Variants in GAB2 observed in about 807,000 individuals in gnomAD.
GAB2 encodes GRB2-associated-binding protein 2.
In GAB2, 26 loss-of-function variants were observed where a neutral mutation model predicts 65.5. That is an observed-to-expected ratio of 0.40 (90% CI 0.29 to 0.55). The LOEUF is 0.55. Ranked by LOEUF, GAB2 falls within the 20% of genes least tolerant of loss-of-function variation. GAB2 has a pLI of 0.53. For synonymous variants in GAB2, 321 were observed against 329.6 expected, an observed-to-expected ratio of 0.97 and a Z score of 0.28; for missense variants, 884 against 875.8, an observed-to-expected ratio of 1.01 and a Z score of -0.12.
chr11:78,405,091 A>ATTTTTTTTT (rs1174366754), intron 1 of GAB2, among the ~76,000 whole-genome samples: 2 of 93,280 alleles, frequency 2.1e-5, no homozygotes, highest in Non-Finnish European at 3.8e-5. Flanking sequence ...AAAAACATGG[A>ATTTTTTTTT]TTTTTTTTTT....
chr11:78,224,455 C>A (rs972703425), intron 5 of GAB2, among the ~76,000 whole-genome samples: 2 of 152,226 alleles, frequency 1.3e-5, no homozygotes, highest in African/African-American at 4.8e-5. Flanking sequence ...CTGGGGCTCA[C>A]TCCAGGCACC....
At chr11:78,271,806 G>T (rs900797255) in intron 2 of GAB2, among the ~76,000 whole-genome samples, 11 of 152,230 alleles carry the variant, frequency 7.2e-5, no homozygotes, top group Admixed American at 3.9e-4. Context: ...AAGCCTGGGT[G>T]ATATGGTTTG....
At chr11:78,334,651 T>C (rs1855969543) in intron 1 of GAB2, among the ~76,000 whole-genome samples, 1 of 152,258 alleles carries the variant, frequency 6.6e-6, no homozygotes, top group Admixed American at 6.5e-5. Flanking sequence ...CCCATTCAAC[T>C]GCTGATAGAC....
At chr11:78,318,468 T>C (rs1855660142) in intron 1 of GAB2, among the ~76,000 whole-genome samples, 1 of 149,182 alleles carries the variant, frequency 6.7e-6, no homozygotes, top group Non-Finnish European at 1.5e-5. Context: ...TAGGATCCAG[T>C]GTGCATAGTA....
chr11:78,238,206 CAAAAAAAAA>C lies in GAB2; in HGVS notation c.621-11164_621-11156del, dbSNP rs10541492. Among the ~76,000 whole-genome samples the C allele has an allele frequency of 8.6e-5, 9 of 104,798 alleles. No homozygotes were observed. The East Asian group carries it at 1.0e-3, about 12-fold the overall frequency. The allele number at this position is 104,798 out of a possible 152,430, so 68.8% of individuals were successfully genotyped here. A position where few individuals can be genotyped will look rare whatever the true frequency, so the allele number is the denominator to read the frequency against. On this transcript the variant is annotated intron_variant, in intron 3 of 9. Transcript: ENST00000361507. ...TTAAAATAAAAGTTGAGGGAAGAAA[CAAAAAAAAA>C]AAAAAAAAAAAGAAAATGTGGCAGA... is the stretch of plus-strand genomic sequence containing the variant.
chr11:78,347,442 A>G (rs1028341380), intron 1 of GAB2, among the ~76,000 whole-genome samples: 2 of 152,216 alleles, frequency 1.3e-5, no homozygotes, highest in African/African-American at 4.8e-5. Context: ...TTGGGCAATC[A>G]TGGACTTGAG....
intron 2 of GAB2, among the ~76,000 whole-genome samples, chr11:78,270,453 A>G (rs1823828057): frequency 6.6e-6 from 1 of 152,114 alleles, no homozygotes; most frequent in Non-Finnish European, 1.5e-5. Flanking sequence ...CTCTGTGACA[A>G]TGGGTTGGGA....
intron 3 of GAB2, among the ~76,000 whole-genome samples, chr11:78,242,058 A>G (rs760681432): frequency 7.9e-5 from 12 of 152,250 alleles, no homozygotes; most frequent in Non-Finnish European, 1.3e-4. Flanking sequence ...AGAGATTTTA[A>G]AAGAATTGAT....
At chr11:78,378,104 G>GC (rs946962920) in intron 1 of GAB2, among the ~76,000 whole-genome samples, 2 of 152,150 alleles carry the variant, frequency 1.3e-5, no homozygotes, top group Non-Finnish European at 2.9e-5. Context: ...TAGAATTATG[G>GC]CCCCAACTGT....
Position 78,219,318 on chromosome 11 carries a change from G to A in GAB2, c.1985C>T (p.Thr662Ile), listed in dbSNP as rs770369313. ...AGGCTCTGAGGACTGCCGCACGTCT[G>A]TCCACTCCTGCATGGTGTTCTGCAG... ...QALQNTMQEW[T>I]DVRQSSEPSK... is the part of the protein sequence containing the mutation. Residue 662 changes from threonine (T) to isoleucine (I), a missense_variant, in exon 10 of 10, where the codon ACA (threonine) becomes ATA (isoleucine). Physicochemically the swap from Thr to Ile is moderately conservative, Grantham distance 89 (BLOSUM62 -1). Transcript: ENST00000361507. 5.6e-6 allele frequency: 9 copies of A among 1,613,842 alleles called. No individual in the cohort carries two copies. Among genetic ancestry groups the A allele is most frequent in the Admixed American group, 3.3e-5 (2 of 60,010 alleles).
intron 1 of GAB2, chr11:78,324,662 T>C (rs1046294420): frequency 2.0e-5 from 3 of 152,192 alleles, no homozygotes; most frequent in Non-Finnish European, 2.9e-5. Flanking sequence ...AGTGTCTCAT[T>C]ATTCACTATA....
chr11:78,402,170 A>G (rs1293651249), intron 1 of GAB2, among the ~76,000 whole-genome samples: 1 of 152,132 alleles, frequency 6.6e-6, no homozygotes, highest in Non-Finnish European at 1.5e-5. Context: ...AACTGTTTTT[A>G]GTGTCCTTGC....
chr11:78,289,948 A>G (rs1362844490), intron 1 of GAB2, among the ~76,000 whole-genome samples: 1 of 151,574 alleles, frequency 6.6e-6, no homozygotes, highest in Non-Finnish European at 1.5e-5. Context: ...GAGGGAGGAA[A>G]GGAAGAGTTT....
chr11:78,349,367 T>C (rs571412745), intron 1 of GAB2, among the ~76,000 whole-genome samples: 106 of 152,300 alleles, frequency 7.0e-4, no homozygotes, highest in African/African-American at 2.3e-3. Flanking sequence ...TGGTACTAAG[T>C]TACAAATCAT....
At chr11:78,267,011 A>C (rs1865890263) in intron 2 of GAB2, among the ~76,000 whole-genome samples, 1 of 152,216 alleles carries the variant, frequency 6.6e-6, no homozygotes, top group Non-Finnish European at 1.5e-5. Flanking sequence ...CAGAGAGACC[A>C]CATGCAACCC....
chr11:78,234,322 A>G (rs1864930667), intron 3 of GAB2, among the ~76,000 whole-genome samples: 2 of 152,094 alleles, frequency 1.3e-5, no homozygotes, highest in Non-Finnish European at 2.9e-5. Flanking sequence ...AGCTCAAGCA[A>G]TCTGCCCTTC....
At chr11:78,295,998 G>C (rs957835030) in intron 1 of GAB2, among the ~76,000 whole-genome samples, 1 of 152,314 alleles carries the variant, frequency 6.6e-6, no homozygotes, top group African/African-American at 2.4e-5. Context: ...GAAAGGGGTA[G>C]GGACGGTTTT....
intron 3 of GAB2, chr11:78,231,987 CTG>C (rs1412881289): frequency 6.6e-6 from 1 of 152,232 alleles, no homozygotes; most frequent in Non-Finnish European, 1.5e-5. Context: ...GAAGAAAACT[CTG>C]TGTCACAAAT....
intron 1 of GAB2, among the ~76,000 whole-genome samples, chr11:78,341,168 A>T (rs1001679896): frequency 6.6e-6 from 1 of 152,196 alleles, no homozygotes; most frequent in Non-Finnish European, 1.5e-5. Context: ...ATGGTTTCAC[A>T]TCTCTCATCC....
Sources: gnomAD v4.1 joint callset for allele counts (sites outside exome capture counted in the v4.1 genomes callset) on GRCh38, gnomAD v4.1.1 for gene constraint, MANE v1.5 for transcripts, NCBI Gene and HGNC (gene_info 2026-07-23, HGNC 2026-07-21) for gene names.